GBP5: variants seen among roughly 807,000 people sequenced by gnomAD.
GBP5 encodes guanylate binding protein 5.
GBP5 carries 48 observed loss-of-function variants against 58.2 expected under a neutral mutation model. That is an observed-to-expected ratio of 0.83 (90% CI 0.65 to 1.05). GBP5 has a LOEUF of 1.05. GBP5 is among the 50% of genes least tolerant of loss of function. The pLI, the probability that GBP5 is intolerant of heterozygous loss-of-function variation, is 0.00. For synonymous variants in GBP5, 248 were observed against 251.8 expected, an observed-to-expected ratio of 0.98 and a Z score of 0.14; for missense variants, 714 against 686.8, an observed-to-expected ratio of 1.04 and a Z score of -0.44.
chr1:89,272,120 C>G (rs749850110), intron 1 of GBP5: 1 of 152,034 alleles, frequency 6.6e-6, no homozygotes, highest in African/African-American at 2.4e-5. Context: ...TGCTGAAGTT[C>G]GAGTCAGTTT....
At chr1:89,269,712 TAA>T (rs1049521779) in intron 2 of GBP5, 138 bp from the exon 3 acceptor site, 80 of 533,566 alleles carry the variant, frequency 1.5e-4, no homozygotes, top group African/African-American at 1.4e-3. Context: ...AGTTTTAAAA[TAA>T]AAAGAGTCCT....
rs757282398 is a variant in GBP5 at position 89,266,953 on chromosome 1, T to C, written c.625+4A>G. On this transcript the variant is annotated splice_donor_region_variant and intron_variant, in intron 6 of 11. Transcript: ENST00000370459. ...AATCTTTCTAAAACTGAAGTCCCTG[T>C]TACCTTGCTTTGGCCTTAGGGAATT... 28 of 1,585,092 alleles carry C rather than the reference T, an allele frequency of 1.8e-5. No homozygotes were observed. The South Asian group carries it at 3.2e-4, about 18-fold the overall frequency.
chr1:89,260,741 C>T lies in GBP5; in HGVS notation c.1724G>A (p.Arg575Lys), dbSNP rs775334549. ...SLLSELQHAQ[R>K]TVNNDDPCVL... ...ACATGGATCATCGTTATTAACAGTC[C>T]TCTGGGCGTGCTGGAGCTCACTGAG... Residue 575 changes from arginine to lysine, a missense_variant, in exon 12 of 12, where the codon AGG becomes AAG. Coordinates refer to ENST00000370459, the MANE Select transcript of GBP5 (RefSeq NM_052942.5). 6.2e-7 allele frequency: 1 copy of T among 1,613,828 alleles called. No homozygotes were observed. Among genetic ancestry groups the T allele is most frequent in the Non-Finnish European group, 8.5e-7 (1 of 1,179,882 alleles).
Position 89,260,721 on chromosome 1 carries a change from GATC to G in GBP5, c.1741_1743del (p.Asp581del), listed in dbSNP as rs1649975538. On this transcript the variant is annotated inframe_deletion, in exon 12 of 12. Coordinates refer to ENST00000370459, the MANE Select transcript of GBP5 (RefSeq NM_052942.5). Reference sequence around the variant, plus strand: ...TTAGCACTTTAGAGTAAAACACATGGATCATCGTTATTAACAGTCCTCTGGGCG... The same window carrying G: ...TTAGCACTTTAGAGTAAAACACATGGATCGTTATTAACAGTCCTCTGGGCG... 1.9e-6 allele frequency: 3 copies of G among 1,611,728 alleles called. No individual in the cohort carries two copies. The highest frequency in any genetic ancestry group is 1.7e-5 in the Admixed American group (1 of 60,002).
At chr1:89,264,632 CA>C in intron 8 of GBP5, 53 bp downstream of exon 8, 5 of 1,502,586 alleles carry the variant, frequency 3.3e-6, no homozygotes, top group Non-Finnish European at 4.6e-6. Flanking sequence ...TCATTCAAAG[CA>C]ATACTTTGCC....
chr1:89,267,567 C>A, intron 4 of GBP5, 41 bp from the exon 5 acceptor site: 1 of 1,188,396 alleles, frequency 8.4e-7, no homozygotes, highest in Non-Finnish European at 1.3e-6. Flanking sequence ...TCATGGGATT[C>A]CCAGATGAGC....
At chr1:89,265,089 T>C (rs977587851) in intron 7 of GBP5, 123 bp from the exon 8 acceptor site, 6 of 899,528 alleles carry the variant, frequency 6.7e-6, no homozygotes, top group Non-Finnish European at 6.7e-6. Flanking sequence ...TTATGGACAG[T>C]AGTCAAGTGG....
rs2100712546 is a variant in GBP5, at chr1:89,259,245, T to G, written c.*1459A>C. The G allele has an allele frequency of 6.6e-6, 1 of 152,314 alleles. No homozygotes were observed. The highest frequency in any genetic ancestry group is 1.9e-4 in the East Asian group (1 of 5,188). 9.4% of individuals were successfully genotyped at this position (152,314 alleles called of 1,614,324 possible). ...CAGGTTATAAAATGCCCTATTTAAG[T>G]TGTGCTCTTGGTGAGGGTGAACAGA... is the stretch of plus-strand genomic sequence containing the variant. On this transcript the variant is annotated 3_prime_UTR_variant, in exon 12 of 12. Transcript: ENST00000370459.
rs539264793 is a variant in GBP5 at position 89,267,185 on chromosome 1, T to C, written c.429-32A>G. On this transcript the variant is annotated intron_variant, in intron 5 of 11. Coordinates refer to ENST00000370459, the MANE Select transcript of GBP5 (RefSeq NM_052942.5). ...TGCAATTAAAGAAAACTGGCAGAAA[T>C]AGGACCACATCTAAACCCATACTTA... 31 of 1,531,008 alleles carry C rather than the reference T, an allele frequency of 2.0e-5. No homozygotes were observed. The East Asian group carries it at 5.7e-4, about 28-fold the overall frequency. 94.8% of individuals were successfully genotyped at this position (1,531,008 alleles called of 1,614,324 possible).
At position 89,266,447 on chromosome 1, in the gene GBP5, A is replaced by G. The variant is rs754673294; in HGVS notation, c.767T>C (p.Leu256Pro). Residue 256 changes from leucine (L) to proline (P), a missense_variant, in exon 7 of 12, where the codon CTA becomes CCA. Leu to Pro is a moderately conservative substitution (Grantham distance 98, BLOSUM62 -3). Coordinates refer to ENST00000370459, the MANE Select transcript of GBP5 (RefSeq NM_052942.5). ...CACTTGTTGCACAAATTCAGGCTCT[A>G]GCTCATCATCAGGCAGTGTTTCAAG... ...AQLETLPDDE[L>P]EPEFVQQVTE... The G allele has an allele frequency of 1.5e-5, 25 of 1,614,062 alleles. 1 individual carries two copies. In the South Asian group the frequency reaches 2.5e-4, roughly 16 times the overall value.
chr1:89,266,885 C>A (rs1650241786), intron 6 of GBP5, 72 bp downstream of exon 6: 2 of 1,043,340 alleles, frequency 1.9e-6, no homozygotes, highest in Admixed American at 2.6e-5. Flanking sequence ...ATAAATTTAA[C>A]CACCTAAACA....
intron 7 of GBP5, among the ~76,000 whole-genome samples, chr1:89,265,511 G>A (rs1278370062): frequency 2.0e-5 from 3 of 151,238 alleles, no homozygotes; most frequent in East Asian, 1.9e-4. Flanking sequence ...GGCGGATCAC[G>A]AGGTGAGGAG....
In GBP5 at chr1:89,268,756, G is replaced by A. The variant is rs187846286; in HGVS notation, c.291C>T (p.Asp97=). 3 of 1,614,024 alleles carry A rather than the reference G, an allele frequency of 1.9e-6. No homozygotes were observed. Among genetic ancestry groups the A allele is most frequent in the East Asian group, 2.2e-5 (1 of 44,862 alleles). ...TCTCTACATCTCCCAGGCCCTCGGT[G>A]TCAAGCAGAACTAATGTGTGATTTG... ...NWPNHTLVLL[D]TEGLGDVEKA... The change falls in exon 4 of 12, where the codon GAC becomes GAT. Residue 97 remains aspartate (D), a synonymous_variant. Coordinates refer to ENST00000370459, the MANE Select transcript of GBP5 (RefSeq NM_052942.5).
Position 89,262,727 on chromosome 1 carries a change from A to G in GBP5, c.1421T>C (p.Leu474Ser), listed in dbSNP as rs1201301055. Residue 474 changes from leucine to serine, a missense_variant, in exon 10 of 12, where the codon TTA becomes TCA. Transcript: ENST00000370459. The part of the protein sequence containing the change: ...KSKESVSHAI[L>S]QTDQALTETE... ...CTCTGTGAGAGCCTGGTCAGTCTGT[A>G]ATATTGCATGACTCACAGACTCCTT... 1.2e-6 allele frequency: 2 copies of G among 1,602,618 alleles called. No individual in the cohort carries two copies. Among genetic ancestry groups the G allele is most frequent in the Non-Finnish European group, 1.7e-6 (2 of 1,176,648 alleles).
In GBP5 at chr1:89,262,334, G is replaced by A. The variant is rs757748945; in HGVS notation, c.1533C>T (p.Asn511=). 9 of 1,613,988 alleles carry A rather than the reference G, an allele frequency of 5.6e-6. No homozygotes were observed. In the East Asian group the frequency reaches 6.7e-5, roughly 12 times the overall value. The part of the protein sequence containing the change: ...AQRLAAIQRQ[N]EQMMQERERL... ...TCTCCCTCTCCTGCATCATTTGCTC[G>A]TTCTGCCTTTGAATCGCCGCCAACC... The change falls in exon 11 of 12, where the codon AAC becomes AAT. Residue 511 remains asparagine (N), a synonymous_variant. Coordinates refer to ENST00000370459, the MANE Select transcript of GBP5 (RefSeq NM_052942.5).
chr1:89,262,769 TG>T lies in GBP5; in HGVS notation c.1378del (p.Gln460ArgfsTer4). On this transcript the variant is annotated frameshift_variant, in exon 10 of 12. Coordinates refer to ENST00000370459, the MANE Select transcript of GBP5 (RefSeq NM_052942.5). LOFTEE classifies it high-confidence loss of function. ...RKGIQAEEVL[Q>X]KYLKSKESVS... is the part of the protein sequence containing the mutation. Reference sequence around the variant, plus strand: ...AGACTCCTTGGACTTTAAATATTTCTGCAGAACTTCTTCAGCCTAGCAACCC... The same window carrying T: ...AGACTCCTTGGACTTTAAATATTTCTCAGAACTTCTTCAGCCTAGCAACCC... 1 of 1,570,538 alleles carries T rather than the reference TG, an allele frequency of 6.4e-7. No individual in the cohort carries two copies. The highest frequency in any genetic ancestry group is 8.6e-7 in the Non-Finnish European group (1 of 1,165,676).
Position 89,260,562 on chromosome 1 carries a change from T to C in GBP5, c.*142A>G. 1 of 592,192 alleles carries C rather than the reference T, an allele frequency of 1.7e-6. No individual in the cohort carries two copies. Among genetic ancestry groups the C allele is most frequent in the Non-Finnish European group, 3.0e-6 (1 of 334,188 alleles). The allele number at this position is 592,192 out of a possible 1,614,324, so 36.7% of individuals were successfully genotyped here. A position where few individuals can be genotyped will look rare whatever the true frequency, so the allele number is the denominator to read the frequency against. On this transcript the variant is annotated 3_prime_UTR_variant, in exon 12 of 12. Coordinates refer to ENST00000370459, the MANE Select transcript of GBP5 (RefSeq NM_052942.5). ...TACATTTTACCAGATACCAGCATCA[T>C]AATCTTATAACTCTATATGAAAGTT...
rs533083301 is a variant in GBP5, at chr1:89,260,443, C to G, written c.*261G>C. On this transcript the variant is annotated 3_prime_UTR_variant, in exon 12 of 12. Transcript: ENST00000370459. ...TCCTGATGAAACCATCCCAATATCA[C>G]GCATAAATGAAGGCAGTGATACAAT... 3.3e-6 allele frequency: 1 copy of G among 301,522 alleles called. No homozygotes were observed. Among genetic ancestry groups the G allele is most frequent in the South Asian group, 4.6e-5 (1 of 21,656 alleles). The allele number at this position is 301,522 out of a possible 1,614,324, so 18.7% of individuals were successfully genotyped here. A position where few individuals can be genotyped will look rare whatever the true frequency, so the allele number is the denominator to read the frequency against.
chr1:89,262,366 C>A lies in GBP5; in HGVS notation c.1501G>T (p.Ala501Ser). The change falls in exon 11 of 12, where the codon GCG becomes TCG. Residue 501 changes from alanine to serine, a missense_variant. Physicochemically the swap from Ala to Ser is moderately conservative, Grantham distance 99 (BLOSUM62 1). Transcript: ENST00000370459. Reference sequence around the variant, plus strand: ...CTTTGAATCGCCGCCAACCTTTGCGCTTCAGCCTTTTCAGCTTCTGCTTTC... The same window carrying A: ...CTTTGAATCGCCGCCAACCTTTGCGATTCAGCCTTTTCAGCTTCTGCTTTC... ...QVKAEAEKAEAQRLAAIQRQN... is the reference protein window; with the variant it reads ...QVKAEAEKAESQRLAAIQRQN... The A allele has an allele frequency of 5.6e-6, 9 of 1,614,082 alleles. No individual in the cohort carries two copies. Among genetic ancestry groups the A allele is most frequent in the Non-Finnish European group, 7.6e-6 (9 of 1,180,012 alleles).
Sources: allele counts gnomAD v4.1 joint callset (sites outside exome capture counted in the v4.1 genomes callset), GRCh38; gene constraint gnomAD v4.1.1; transcripts MANE v1.5; gene names NCBI Gene and HGNC (gene_info 2026-07-23, HGNC 2026-07-21).